The following LRRC4C variants were observed in gnomAD, a reference collection of about 807,000 sequenced individuals.
LRRC4C encodes leucine rich repeat containing 4C.
A neutral mutation model predicts 33.6 loss-of-function variants in LRRC4C; 5 were observed. The observed-to-expected ratio is 0.15, with a 90% confidence interval of 0.08 to 0.31. LRRC4C has a LOEUF of 0.31. Ranked by LOEUF, LRRC4C falls within the 10% of genes least tolerant of loss-of-function variation. LRRC4C has a pLI of 1.00. For synonymous variants in LRRC4C, 329 were observed against 302.0 expected, an observed-to-expected ratio of 1.09 and a Z score of -0.93; for missense variants, 560 against 796.7, an observed-to-expected ratio of 0.70 and a Z score of 3.58.
At chr11:40,146,675 T>C (rs1402021577) in intron 5 of LRRC4C, among the ~76,000 whole-genome samples, 1 of 152,210 alleles carries the variant, frequency 6.6e-6, no homozygotes, top group Non-Finnish European at 1.5e-5. Context: ...ATAGTCCTCC[T>C]GGTTTACATT....
chr11:41,291,774 A>G (rs894876750), intron 1 of LRRC4C, among the ~76,000 whole-genome samples: 11 of 152,174 alleles, frequency 7.2e-5, no homozygotes, highest in Non-Finnish European at 1.0e-4. Context: ...TGGTGTGAAG[A>G]TTTGCTTAAT....
At chr11:40,700,206 C>T (rs967136974) in intron 2 of LRRC4C, among the ~76,000 whole-genome samples, 18 of 152,256 alleles carry the variant, frequency 1.2e-4, no homozygotes, top group African/African-American at 3.9e-4. Flanking sequence ...CTCGAGCCAT[C>T]TACTTTCCTG....
intron 1 of LRRC4C, among the ~76,000 whole-genome samples, chr11:41,304,948 G>A (rs1296512551): frequency 1.7e-5 from 2 of 120,090 alleles, no homozygotes; most frequent in African/African-American, 3.1e-5. Flanking sequence ...TGGGCCAGCC[G>A]CCCCGTCCGG....
At chr11:40,684,196 A>T (rs1944843429) in intron 2 of LRRC4C, among the ~76,000 whole-genome samples, 1 of 152,168 alleles carries the variant, frequency 6.6e-6, no homozygotes, top group Non-Finnish European at 1.5e-5. Context: ...TACAAAATGT[A>T]TGTTACATAT....
At chr11:40,807,047 T>G (rs7480771) in intron 2 of LRRC4C, among the ~76,000 whole-genome samples, 119,973 of 152,002 alleles carry the variant, frequency 0.79, 48,823 homozygotes, top group East Asian at 1. Context: ...GTGCATGCTT[T>G]CTTTTGATTT....
At chr11:40,715,040 T>C (rs1946639789) in intron 2 of LRRC4C, among the ~76,000 whole-genome samples, 1 of 152,144 alleles carries the variant, frequency 6.6e-6, no homozygotes, top group Non-Finnish European at 1.5e-5. Flanking sequence ...AACACACTCA[T>C]AGACATGCAG....
intron 5 of LRRC4C, among the ~76,000 whole-genome samples, chr11:40,185,299 A>G (rs995794640): frequency 6.6e-6 from 1 of 152,130 alleles, no homozygotes; most frequent in Admixed American, 6.5e-5. Flanking sequence ...CAAAGACAGA[A>G]TTACAGGGCT....
intron 2 of LRRC4C, among the ~76,000 whole-genome samples, chr11:40,693,465 A>G (rs189769800): frequency 6.6e-6 from 1 of 152,136 alleles, no homozygotes; most frequent in African/African-American, 2.4e-5. Flanking sequence ...AATGAAGCAA[A>G]GTACATGTGT....
intron 3 of LRRC4C, among the ~76,000 whole-genome samples, chr11:40,558,623 T>C (rs545520051): frequency 1.3e-5 from 2 of 152,352 alleles, no homozygotes; most frequent in East Asian, 1.9e-4. Flanking sequence ...CTGTGTCTCC[T>C]TGATATTCTA....
intron 1 of LRRC4C, among the ~76,000 whole-genome samples, chr11:41,370,617 T>A (rs753447869): frequency 6.6e-6 from 1 of 152,160 alleles, no homozygotes; most frequent in African/African-American, 2.4e-5. Context: ...CCCCAGCCAA[T>A]TGGAACTGTA....
intron 2 of LRRC4C, among the ~76,000 whole-genome samples, chr11:40,799,381 A>G (rs1452179824): frequency 6.6e-6 from 1 of 152,242 alleles, no homozygotes; most frequent in African/African-American, 2.4e-5. Context: ...TACTGGACAG[A>G]AAAGTCCTCT....
In LRRC4C at chr11:40,114,438, T is replaced by C; in HGVS notation, c.1855A>G (p.Ser619Gly). The C allele has an allele frequency of 6.2e-7, 1 of 1,614,116 alleles. No homozygotes were observed. Among genetic ancestry groups the C allele is most frequent in the Non-Finnish European group, 8.5e-7 (1 of 1,179,978 alleles). The part of the protein sequence containing the change: ...TTVNTINSIH[S>G]SVHEPLLIRM... The stretch of plus-strand genomic sequence containing the variant: ...ATCAATAACGGTTCATGCACTGAAC[T>C]GTGTATTGAATTTATTGTGTTAACT... Residue 619 changes from serine to glycine, a missense_variant, in exon 7 of 7, where the codon AGT becomes GGT. Transcript: ENST00000528697.
intron 1 of LRRC4C, among the ~76,000 whole-genome samples, chr11:40,943,234 G>C (rs746749276): frequency 6.6e-6 from 1 of 152,148 alleles, no homozygotes; most frequent in Non-Finnish European, 1.5e-5. Context: ...CACTTACAAC[G>C]TTTTGTTCTC....
intron 3 of LRRC4C, among the ~76,000 whole-genome samples, chr11:40,586,312 G>GA (rs1242301713): frequency 6.6e-6 from 1 of 150,602 alleles, no homozygotes; most frequent in Non-Finnish European, 1.5e-5. Context: ...CCCACTTTTT[G>GA]ATGGGGTTGT....
At chr11:40,942,024 G>C (rs1958173839) in intron 1 of LRRC4C, among the ~76,000 whole-genome samples, 1 of 152,284 alleles carries the variant, frequency 6.6e-6, no homozygotes, top group South Asian at 2.1e-4. Context: ...GTGAGCAGGT[G>C]AATAAGGGAG....
At chr11:41,251,248 A>C (rs1948628508) in intron 1 of LRRC4C, among the ~76,000 whole-genome samples, 1 of 152,226 alleles carries the variant, frequency 6.6e-6, no homozygotes, top group Non-Finnish European at 1.5e-5. Flanking sequence ...TTATTTCATG[A>C]GATGCAGCAA....
intron 4 of LRRC4C, among the ~76,000 whole-genome samples, chr11:40,284,908 A>G (rs1319136882): frequency 6.6e-6 from 1 of 152,258 alleles, no homozygotes; most frequent in East Asian, 1.9e-4. Flanking sequence ...TAGGAGACTC[A>G]GGTAATTAAG....
intron 2 of LRRC4C, among the ~76,000 whole-genome samples, chr11:40,878,313 G>T (rs1955011546): frequency 1.3e-5 from 2 of 152,148 alleles, no homozygotes; most frequent in Admixed American, 1.3e-4. Context: ...TCACTGATAG[G>T]GTTTTGATAT....
intron 3 of LRRC4C, among the ~76,000 whole-genome samples, chr11:40,575,895 T>C (rs1348373332): frequency 1.3e-5 from 2 of 152,284 alleles, no homozygotes; most frequent in Middle Eastern, 3.4e-3. Flanking sequence ...GATTGCAAAA[T>C]ATGGTGCATG....
Sources: gnomAD v4.1 joint callset for allele counts (sites outside exome capture counted in the v4.1 genomes callset) on GRCh38, gnomAD v4.1.1 for gene constraint, MANE v1.5 for transcripts, NCBI Gene and HGNC (gene_info 2026-07-23, HGNC 2026-07-21) for gene names.